NTRK2: variants seen among roughly 807,000 people sequenced by gnomAD.
NTRK2 encodes the protein neurotrophic receptor tyrosine kinase 2.
In NTRK2, 13 loss-of-function variants were observed where a neutral mutation model predicts 94.5. The observed-to-expected ratio is 0.14, with a 90% CI of 0.09 to 0.22. NTRK2 has a LOEUF of 0.22. Among genes scored for constraint, NTRK2 ranks in the 10% least tolerant of loss-of-function variants. NTRK2 has a pLI of 1.00. For synonymous variants in NTRK2, 372 were observed against 407.4 expected (o/e 0.91, Z 1.05); for missense variants, 639 against 1,071.2 (o/e 0.60, Z 5.63).
chr9:84,724,338 G>C lies in NTRK2; in HGVS notation c.835G>C (p.Val279Leu), dbSNP rs1332554506. The C allele has an allele frequency of 6.2e-7, 1 of 1,614,152 alleles. No individual in the cohort carries two copies. The highest frequency in any genetic ancestry group is 1.7e-5 in the Admixed American group (1 of 60,030). ...TCTTGTAGGAGAAGATCAAGATTCT[G>C]TCAACCTCACTGTGCATTGTACGTA... Reference protein sequence around the residue: ...ENLVGEDQDSVNLTVHFAPTI... With the variant: ...ENLVGEDQDSLNLTVHFAPTI... Residue 279 changes from valine to leucine, a missense_variant, in exon 8 of 19, where the codon GTC becomes CTC. By Grantham distance (32) the Val-to-Leu change is conservative. Around this residue, in one of 5 missense-constraint regions of NTRK2, gnomAD observed 343 missense variants for 571.5 expected, o/e 0.60. Transcript: ENST00000277120.
chr9:84,919,858 G>T (rs2077508496), intron 14 of NTRK2, among the ~76,000 whole-genome samples: 1 of 152,208 alleles, frequency 6.6e-6, no homozygotes, highest in Non-Finnish European at 1.5e-5. Flanking sequence ...GCCTCATGAG[G>T]TTGTGAGGAT....
At chr9:84,776,852 T>C (rs2132947400) in intron 12 of NTRK2, among the ~76,000 whole-genome samples, 1 of 152,356 alleles carries the variant, frequency 6.6e-6, no homozygotes, top group South Asian at 2.1e-4. Context: ...CTCTTTGTTT[T>C]GGAGACACTT....
intron 12 of NTRK2, among the ~76,000 whole-genome samples, chr9:84,828,483 A>G (rs1172834830): frequency 6.6e-6 from 1 of 152,174 alleles, no homozygotes; most frequent in African/African-American, 2.4e-5. Flanking sequence ...TTTCTAGAGA[A>G]CAAGACAAAC....
At chr9:84,947,359 G>A (rs886836330) in intron 15 of NTRK2, among the ~76,000 whole-genome samples, 2 of 152,198 alleles carry the variant, frequency 1.3e-5, no homozygotes, top group African/African-American at 4.8e-5. Context: ...CATCTGCAAA[G>A]CTGCATTTGC....
intron 18 of NTRK2, among the ~76,000 whole-genome samples, chr9:85,021,028 C>G (rs1421883231): frequency 1.3e-5 from 2 of 152,160 alleles, no homozygotes; most frequent in Admixed American, 6.5e-5. Flanking sequence ...ATTTTTCCAC[C>G]AGTTTTGTGA....
At chr9:85,015,521 G>A (rs915165436) in intron 17 of NTRK2, among the ~76,000 whole-genome samples, 13 of 152,116 alleles carry the variant, frequency 8.5e-5, no homozygotes, top group African/African-American at 2.7e-4. Flanking sequence ...CTCCCCCAAA[G>A]AGCAGCATTC....
At chr9:84,797,568 T>G (rs1347718946) in intron 12 of NTRK2, among the ~76,000 whole-genome samples, 2 of 85,874 alleles carry the variant, frequency 2.3e-5, no homozygotes, top group African/African-American at 1.2e-4. Flanking sequence ...ATACTATATA[T>G]TATATATATT....
intron 14 of NTRK2, chr9:84,873,162 C>G: frequency 9.4e-7 from 1 of 1,063,358 alleles, no homozygotes; most frequent in Non-Finnish European, 1.1e-6. Context: ...GACTGAAAAA[C>G]GGGTAGAAAC....
intron 4 of NTRK2, among the ~76,000 whole-genome samples, chr9:84,705,396 A>G (rs906630530): frequency 2.0e-5 from 3 of 152,158 alleles, no homozygotes; most frequent in Admixed American, 6.5e-5. Flanking sequence ...CTATAATCAA[A>G]CAGTAAGAGG....
chr9:84,874,043 G>A, intron 14 of NTRK2: 1 of 1,064,064 alleles, frequency 9.4e-7, no homozygotes, highest in East Asian at 5.0e-5. Flanking sequence ...CCCAGCAGAT[G>A]GAGGATCCTA....
intron 14 of NTRK2, among the ~76,000 whole-genome samples, chr9:84,904,171 A>T (rs2132425999): frequency 6.6e-6 from 1 of 152,350 alleles, no homozygotes; most frequent in Middle Eastern, 3.4e-3. Flanking sequence ...CCTTGGGCAG[A>T]GGACACACCA....
chr9:84,761,231 C>G (rs2065535161), intron 12 of NTRK2, among the ~76,000 whole-genome samples: 1 of 152,054 alleles, frequency 6.6e-6, no homozygotes, highest in African/African-American at 2.4e-5. Context: ...CATTAATATC[C>G]TGGATTGAAG....
In NTRK2 at chr9:84,887,025, C is replaced by T. The variant is rs116722903; in HGVS notation, c.1633+19594C>T. Among the ~76,000 whole-genome samples the T allele has an allele frequency of 5.9e-3, 905 of 152,208 alleles. 9 individuals carry two copies. Among genetic ancestry groups the T allele is most frequent in the African/African-American group, 0.021 (852 of 41,496 alleles). On this transcript the variant is annotated intron_variant, in intron 14 of 18. Transcript: ENST00000277120. ...AGCTATCAGTTTCTGTCTAAACGCG[C>T]TGAGGGTAAAACAAGTGTGGGGTTT... is the stretch of plus-strand genomic sequence containing the variant.
Position 84,877,247 on chromosome 9 carries a change from CT to C in NTRK2, c.1633+9817del. On this transcript the variant is annotated intron_variant, in intron 14 of 18. Coordinates refer to ENST00000277120, the MANE Select transcript of NTRK2 (RefSeq NM_006180.6). ...TTCTTGGCGTTAACATCTCAGTGTC[CT>C]CTTTAGTTCTCTTTGAGGATTCATG... The C allele has an allele frequency of 3.8e-6, 4 of 1,065,690 alleles. No individual in the cohort carries two copies. The African/African-American group carries it at 6.5e-5, about 17-fold the overall frequency. 66.0% of individuals were successfully genotyped at this position (1,065,690 alleles called of 1,614,324 possible).
intron 14 of NTRK2, among the ~76,000 whole-genome samples, chr9:84,885,554 A>G (rs1203839739): frequency 6.6e-6 from 1 of 152,184 alleles, no homozygotes; most frequent in Non-Finnish European, 1.5e-5. Flanking sequence ...ATCATGTCGA[A>G]CACATGGAAA....
intron 14 of NTRK2, 48 bp from the exon 15 acceptor site, chr9:84,934,114 A>G (rs772096710): frequency 2.5e-6 from 4 of 1,611,540 alleles, no homozygotes; most frequent in South Asian, 2.2e-5. Context: ...CGCTGCCTTC[A>G]CCTCCACATG....
intron 13 of NTRK2, among the ~76,000 whole-genome samples, chr9:84,862,450 T>C (rs972707680): frequency 2.0e-5 from 3 of 152,146 alleles, no homozygotes; most frequent in Non-Finnish European, 4.4e-5. Context: ...CACTTAAATA[T>C]TTTTCCAAGC....
In NTRK2 at chr9:84,724,528, C is replaced by G. The variant is rs149361910; in HGVS notation, c.853+172C>G. ...AGCCTCTTTTACTGTTCAATTTCTG[C>G]TTAATAACTCTTGCTCATGCATGTT... is the stretch of plus-strand genomic sequence containing the variant. On this transcript the variant is annotated intron_variant, in intron 8 of 18. Transcript: ENST00000277120. Among the ~76,000 whole-genome samples the G allele has an allele frequency of 2.0e-3, 304 of 152,322 alleles. 1 individual carries two copies. The highest frequency in any genetic ancestry group is 6.6e-3 in the African/African-American group (273 of 41,564).
chr9:84,693,226 C>T (rs2060162445), intron 2 of NTRK2, among the ~76,000 whole-genome samples: 2 of 152,328 alleles, frequency 1.3e-5, no homozygotes, highest in East Asian at 1.9e-4. Flanking sequence ...TCATCAGTTG[C>T]TAAGATTTAC....
Sources: gnomAD v4.1 joint callset for allele counts (sites outside exome capture counted in the v4.1 genomes callset) on GRCh38, gnomAD v4.1.1 for gene constraint, gnomAD v4.1.1 regional missense constraint, MANE v1.5 for transcripts, NCBI Gene and HGNC (gene_info 2026-07-23, HGNC 2026-07-21) for gene names.